The following METTL8 variants were observed in gnomAD, a reference collection of about 807,000 sequenced individuals.
METTL8 encodes tRNA N(3)-cytidine methyltransferase METTL8, mitochondrial.
Under a neutral mutation model 48.7 loss-of-function variants are expected in METTL8, and 32 were observed. That is an observed-to-expected ratio of 0.66 (90% CI 0.50 to 0.88). The LOEUF is 0.88. Among genes scored for constraint, METTL8 ranks in the 40% least tolerant of loss-of-function variants. The pLI, the probability that METTL8 is intolerant of heterozygous loss-of-function variation, is 0.00. For synonymous variants in METTL8, 136 were observed against 157.1 expected (o/e 0.87, Z 1.01); for missense variants, 464 against 474.4 (o/e 0.98, Z 0.20).
chr2:171,368,981 A>C (rs1257601571), intron 2 of METTL8, among the ~76,000 whole-genome samples: 2 of 152,164 alleles, frequency 1.3e-5, no homozygotes, highest in Non-Finnish European at 2.9e-5. Flanking sequence ...TATCAAAAAA[A>C]ACCCCACAAT....
intron 2 of METTL8, among the ~76,000 whole-genome samples, chr2:171,377,452 C>T (rs1039304753): frequency 9.0e-4 from 137 of 152,268 alleles, no homozygotes; most frequent in African/African-American, 3.2e-3. Flanking sequence ...AAACAGACAA[C>T]CCACAGAGTG....
At chr2:171,346,090 G>A (rs1458926967) in intron 3 of METTL8, among the ~76,000 whole-genome samples, 1 of 152,162 alleles carries the variant, frequency 6.6e-6, no homozygotes, top group Non-Finnish European at 1.5e-5. Flanking sequence ...GTGCAGTGGT[G>A]CAATCACAGC....
At chr2:171,429,251 G>A (rs1382053732) in intron 1 of METTL8, among the ~76,000 whole-genome samples, 2 of 152,202 alleles carry the variant, frequency 1.3e-5, no homozygotes, top group Non-Finnish European at 2.9e-5. Context: ...AAGTGGTGCT[G>A]TTTGTCATTG....
At chr2:171,409,594 G>C (rs1487206736) in intron 1 of METTL8, among the ~76,000 whole-genome samples, 1 of 152,148 alleles carries the variant, frequency 6.6e-6, no homozygotes, top group African/African-American at 2.4e-5. Flanking sequence ...GCAGCACTGG[G>C]TGAGGATCAA....
At chr2:171,392,270 G>A in intron 1 of METTL8, 73 bp from the exon 2 acceptor site, 1 of 1,215,408 alleles carries the variant, frequency 8.2e-7, no homozygotes. Flanking sequence ...CCCAAAACCT[G>A]GTTCTAAAGG....
intron 6 of METTL8, among the ~76,000 whole-genome samples, chr2:171,330,995 G>T (rs72880545): frequency 6.6e-6 from 1 of 152,280 alleles, no homozygotes; most frequent in Non-Finnish European, 1.5e-5. Context: ...CCTGCTCTGG[G>T]TTGCTGTTTC....
intron 1 of METTL8, among the ~76,000 whole-genome samples, chr2:171,401,714 C>G (rs939416991): frequency 1.1e-4 from 17 of 152,090 alleles, no homozygotes; most frequent in African/African-American, 4.1e-4. Context: ...TATACTGGGC[C>G]AGAATGAAAT....
intron 3 of METTL8, among the ~76,000 whole-genome samples, chr2:171,354,630 C>T (rs1362751809): frequency 1.3e-5 from 2 of 152,148 alleles, no homozygotes; most frequent in African/African-American, 4.8e-5. Flanking sequence ...TCACATAGTC[C>T]CATATTACTT....
intron 1 of METTL8, among the ~76,000 whole-genome samples, chr2:171,405,341 T>C (rs1371161833): frequency 6.6e-6 from 1 of 152,058 alleles, no homozygotes; most frequent in Non-Finnish European, 1.5e-5. Flanking sequence ...AATACTGATA[T>C]TTAGGAAGAA....
chr2:171,328,415 T>A (rs1243140730), intron 7 of METTL8, among the ~76,000 whole-genome samples: 1 of 152,222 alleles, frequency 6.6e-6, no homozygotes, highest in African/African-American at 2.4e-5. Context: ...ATGCCTGAAT[T>A]TTCCAAGCTA....
At chr2:171,360,688 C>T (rs1182327608) in intron 2 of METTL8, among the ~76,000 whole-genome samples, 175 bp from the exon 3 acceptor site, 1 of 152,068 alleles carries the variant, frequency 6.6e-6, no homozygotes, top group East Asian at 1.9e-4. Flanking sequence ...GCTGGTACAA[C>T]CCTGGAACTC....
At chr2:171,395,246 C>T (rs1480252671) in intron 1 of METTL8, among the ~76,000 whole-genome samples, 1 of 152,024 alleles carries the variant, frequency 6.6e-6, no homozygotes, top group Non-Finnish European at 1.5e-5. Flanking sequence ...CAAAGAGGTA[C>T]AGTTTAAAAT....
At chr2:171,414,234 G>A (rs1339294672) in intron 1 of METTL8, among the ~76,000 whole-genome samples, 3 of 151,988 alleles carry the variant, frequency 2.0e-5, no homozygotes, top group East Asian at 3.9e-4. Flanking sequence ...CCTGACCAAC[G>A]TGGAGAAACC....
chr2:171,366,904 A>C (rs1212759229), intron 2 of METTL8, among the ~76,000 whole-genome samples: 2 of 151,740 alleles, frequency 1.3e-5, no homozygotes, highest in East Asian at 1.9e-4. Context: ...AAAAAAAAAA[A>C]AAAACTGGGA....
At chr2:171,430,851 C>T (rs1002890662) in intron 1 of METTL8, among the ~76,000 whole-genome samples, 4 of 152,194 alleles carry the variant, frequency 2.6e-5, no homozygotes, top group African/African-American at 9.7e-5. Flanking sequence ...GATCCCCACC[C>T]TTCACCTATT....
chr2:171,331,988 C>T (rs1328185217), intron 5 of METTL8, 121 bp from the exon 6 acceptor site: 8 of 648,928 alleles, frequency 1.2e-5, no homozygotes, highest in East Asian at 2.9e-5. Flanking sequence ...TGGACTCTAG[C>T]GATCTTGCTT....
intron 5 of METTL8, among the ~76,000 whole-genome samples, chr2:171,336,603 G>A (rs1050457529): frequency 5.3e-5 from 8 of 151,788 alleles, no homozygotes; most frequent in South Asian, 2.1e-4. Flanking sequence ...AGGTTTCACC[G>A]TGTTAGCCAG....
At chr2:171,352,880 T>C (rs1684092766) in intron 3 of METTL8, among the ~76,000 whole-genome samples, 1 of 152,248 alleles carries the variant, frequency 6.6e-6, no homozygotes. Flanking sequence ...TTAGTCTTGC[T>C]AGCGGTCTAT....
intron 1 of METTL8, among the ~76,000 whole-genome samples, chr2:171,427,687 G>T (rs1367606771): frequency 6.6e-6 from 1 of 152,100 alleles, no homozygotes; most frequent in Non-Finnish European, 1.5e-5. Flanking sequence ...GACCACTCTG[G>T]CTAAAGCAGG....
Sources: allele counts gnomAD v4.1 joint callset (sites outside exome capture counted in the v4.1 genomes callset), GRCh38; gene constraint gnomAD v4.1.1; transcripts MANE v1.5; gene names NCBI Gene and HGNC (gene_info 2026-07-23, HGNC 2026-07-21).